PARD3B: variants seen among roughly 807,000 people sequenced by gnomAD.
The protein encoded by PARD3B is par-3 family cell polarity regulator beta.
Under a neutral mutation model 130.2 loss-of-function variants are expected in PARD3B, and 103 were observed. The ratio of observed to expected loss-of-function variants is 0.79; its 90% CI spans 0.67 to 0.93. The LOEUF is 0.93. Ranked by LOEUF, PARD3B falls within the 40% of genes least tolerant of loss-of-function variation. The pLI is 0.00. For synonymous variants in PARD3B, 583 were observed against 553.2 expected, an observed-to-expected ratio of 1.05 and a Z score of -0.76; for missense variants, 1,609 against 1,499.2, an observed-to-expected ratio of 1.07 and a Z score of -1.21.
chr2:205,273,695 A>G (rs1194066575), intron 16 of PARD3B, among the ~76,000 whole-genome samples: 60 of 152,152 alleles, frequency 3.9e-4, no homozygotes, highest in Admixed American at 6.5e-5. Context: ...AAGACACTCT[A>G]TTTGTTTATT....
chr2:205,317,472 C>A (rs2042600901), intron 18 of PARD3B, among the ~76,000 whole-genome samples: 1 of 152,070 alleles, frequency 6.6e-6, no homozygotes, highest in South Asian at 2.1e-4. Context: ...GAAAATATAG[C>A]CTTTAAATAT....
At chr2:205,608,066 C>T (rs2055081350) in intron 22 of PARD3B, among the ~76,000 whole-genome samples, 1 of 152,146 alleles carries the variant, frequency 6.6e-6, no homozygotes, top group Non-Finnish European at 1.5e-5. Flanking sequence ...TAAATATCTA[C>T]TGCAAAAATT....
chr2:205,375,357 G>A (rs2045001212), intron 18 of PARD3B, among the ~76,000 whole-genome samples: 1 of 152,172 alleles, frequency 6.6e-6, no homozygotes, highest in Non-Finnish European at 1.5e-5. Context: ...CATTCCTTAA[G>A]AGAATAATAG....
intron 1 of PARD3B, among the ~76,000 whole-genome samples, chr2:204,562,080 C>T (rs989122365): frequency 1.6e-4 from 25 of 152,128 alleles, no homozygotes; most frequent in African/African-American, 4.6e-4. Context: ...AACAAACCCC[C>T]GTGCCCCACC....
intron 2 of PARD3B, among the ~76,000 whole-genome samples, chr2:204,918,467 A>G (rs1022903176): frequency 1.3e-5 from 2 of 151,944 alleles, no homozygotes; most frequent in South Asian, 2.1e-4. Flanking sequence ...CGTCTCTACT[A>G]AAAATACAAA....
chr2:205,595,874 G>C (rs1173067328), intron 22 of PARD3B, among the ~76,000 whole-genome samples: 1 of 152,110 alleles, frequency 6.6e-6, no homozygotes, highest in African/African-American at 2.4e-5. Flanking sequence ...TCATGGGAGG[G>C]GGGTTATGGA....
Position 205,563,408 on chromosome 2 carries a change from TC to T in PARD3B, c.3260+10006del, listed in dbSNP as rs1422323171. ...AAAATGTATCCTTGAAGTCACAGAA[TC>T]AGAATCAGAATTCAAACCCAGGACT... On this transcript the variant is annotated intron_variant, in intron 22 of 22. Transcript: ENST00000406610. This position sits in a 1 kb window ranked among gnomAD's most constrained non-coding sequence, Gnocchi z 4.2. Among the ~76,000 whole-genome samples, 1 of 152,164 alleles carries T rather than the reference TC, an allele frequency of 6.6e-6. No homozygotes were observed. Among genetic ancestry groups the T allele is most frequent in the African/African-American group, 2.4e-5 (1 of 41,434 alleles).
At chr2:205,256,297 G>T (rs911329941) in intron 16 of PARD3B, among the ~76,000 whole-genome samples, 11 of 151,902 alleles carry the variant, frequency 7.2e-5, no homozygotes, top group Admixed American at 6.6e-4. Context: ...ATTGCATAGA[G>T]TGGGGCAACC....
intron 2 of PARD3B, among the ~76,000 whole-genome samples, chr2:204,730,066 T>C (rs1393053381): frequency 6.6e-6 from 1 of 150,850 alleles, no homozygotes; most frequent in Non-Finnish European, 1.5e-5. Context: ...GCATAGTTAA[T>C]TTCTTTCTTT....
At chr2:204,727,996 G>A (rs1025321029) in intron 2 of PARD3B, among the ~76,000 whole-genome samples, 8 of 152,072 alleles carry the variant, frequency 5.3e-5, no homozygotes, top group African/African-American at 1.4e-4. Context: ...TGAAATCAGC[G>A]GTGCAGCAAG....
chr2:205,037,209 A>G (rs933577084), intron 3 of PARD3B, among the ~76,000 whole-genome samples: 4 of 147,598 alleles, frequency 2.7e-5, no homozygotes, highest in African/African-American at 7.5e-5. Context: ...ATAGCGGACT[A>G]TATATAAAAA....
rs1407175902 is a variant in PARD3B, at chr2:205,158,840, C to T, written c.1553C>T (p.Ser518Phe). 1 of 1,614,112 alleles carries T rather than the reference C, an allele frequency of 6.2e-7. No homozygotes were observed. The highest frequency in any genetic ancestry group is 2.2e-5 in the East Asian group (1 of 44,886). The change falls in exon 11 of 23, where the codon TCC becomes TTC. Residue 518 changes from serine (S) to phenylalanine (F), a missense_variant. Transcript: ENST00000406610. The surrounding 1 kb of genome is among the most constrained non-coding windows in gnomAD (Gnocchi z 5.4). ...GLGVSLKGNK[S>F]RETGTDLGIF... Reference sequence around the variant, plus strand: ...GGGGTGAGCTTAAAAGGGAACAAATCCAGAGAAACTGGAACAGACTTGGGG... The same window carrying T: ...GGGGTGAGCTTAAAAGGGAACAAATTCAGAGAAACTGGAACAGACTTGGGG...
At chr2:205,395,585 A>G (rs140769620) in intron 18 of PARD3B, among the ~76,000 whole-genome samples, 5 of 152,250 alleles carry the variant, frequency 3.3e-5, no homozygotes, top group Admixed American at 6.5e-5. Context: ...AAGATATATT[A>G]CAATAATAAT....
At chr2:205,202,943 G>C (rs897955573) in intron 15 of PARD3B, among the ~76,000 whole-genome samples, 1 of 152,068 alleles carries the variant, frequency 6.6e-6, no homozygotes, top group South Asian at 2.1e-4. Context: ...TTAACCTGTG[G>C]ATTTCATAGG....
intron 5 of PARD3B, among the ~76,000 whole-genome samples, chr2:205,111,385 T>G (rs16836961): frequency 0.22 from 34,165 of 151,914 alleles, 4,157 homozygotes; most frequent in East Asian, 0.4. Flanking sequence ...GAACTCAACT[T>G]TTAAAATTCC....
intron 2 of PARD3B, among the ~76,000 whole-genome samples, chr2:204,746,926 T>C (rs28799707): frequency 6.6e-6 from 1 of 152,194 alleles, no homozygotes; most frequent in East Asian, 1.9e-4. Context: ...ATTCTGTAGG[T>C]TGCCTGTTCA....
At chr2:205,542,175 T>TAAAAAAAAA (rs2052176207) in intron 21 of PARD3B, among the ~76,000 whole-genome samples, 1 of 93,394 alleles carries the variant, frequency 1.1e-5, no homozygotes, top group African/African-American at 4.3e-5. Flanking sequence ...AAAAAAAAAG[T>TAAAAAAAAA]ATATGTTTGG....
chr2:205,054,202 A>G (rs1699431820), intron 4 of PARD3B, among the ~76,000 whole-genome samples: 1 of 151,668 alleles, frequency 6.6e-6, no homozygotes, highest in South Asian at 2.1e-4. Flanking sequence ...ACCATATCTC[A>G]GCAGAAGATG....
intron 18 of PARD3B, among the ~76,000 whole-genome samples, chr2:205,385,710 T>C (rs1390423446): frequency 2.0e-5 from 3 of 152,106 alleles, no homozygotes; most frequent in African/African-American, 4.8e-5. Context: ...CCCCCCTGAC[T>C]CAACATTAGT....
Sources: gnomAD v4.1 joint callset for allele counts (sites outside exome capture counted in the v4.1 genomes callset) on GRCh38, gnomAD v4.1.1 for gene constraint, Gnocchi (gnomAD v3.1) non-coding constraint, MANE v1.5 for transcripts, NCBI Gene and HGNC (gene_info 2026-07-23, HGNC 2026-07-21) for gene names.